KIF2B: variants seen among roughly 807,000 people sequenced by gnomAD.
KIF2B encodes the protein kinesin family member 2B, also known as kinesin-like protein KIF2B.
KIF2B carries 5 observed loss-of-function variants against 6.8 expected under a neutral mutation model. That is an observed-to-expected ratio of 0.74 (90% CI 0.39 to 1.55). The LOEUF is 1.55. KIF2B is among the 40% of genes most tolerant of loss of function. The pLI is 0.03. For missense variants in KIF2B, 908 were observed against 831.3 expected, an observed-to-expected ratio of 1.09 and a Z score of -1.13; for synonymous variants, 370 against 330.7, an observed-to-expected ratio of 1.12 and a Z score of -1.29.
In KIF2B at chr17:53,824,397, C is replaced by A. The variant is rs1406989406; in HGVS notation, c.1364C>A (p.Ala455Glu). 6.2e-7 allele frequency: 1 copy of A among 1,614,098 alleles called. No homozygotes were observed. The highest frequency in any genetic ancestry group is 8.5e-7 in the Non-Finnish European group (1 of 1,180,028). The change falls in exon 1 of 1, where the codon GCA (alanine) becomes GAA (glutamate). Residue 455 changes from alanine (A) to glutamate (E), a missense_variant. By Grantham distance (107) the Ala-to-Glu change is moderately radical (BLOSUM62 -1). Coordinates refer to ENST00000268919, the MANE Select transcript of KIF2B (RefSeq NM_032559.5). The part of the protein sequence containing the change: ...LVDLAGNERG[A>E]DTTKASRKRQ... ...GATTTAGCTGGGAATGAAAGAGGAGCAGATACAACCAAGGCCAGCCGGAAA... is the reference window on the plus strand; with the variant it reads ...GATTTAGCTGGGAATGAAAGAGGAGAAGATACAACCAAGGCCAGCCGGAAA...
Position 53,825,159 on chromosome 17 carries a change from T to G in KIF2B, c.*104T>G. On this transcript the variant is annotated 3_prime_UTR_variant, in exon 1 of 1. Transcript: ENST00000268919. ...TTATCTAAAGATCCTCCTGAGAAGC[T>G]TAAAACATCTTAAAATACACTGATG... The G allele has an allele frequency of 1.4e-6, 1 of 719,614 alleles. No individual in the cohort carries two copies. Among genetic ancestry groups the G allele is most frequent in the Non-Finnish European group, 2.3e-6 (1 of 430,890 alleles). The allele number at this position is 719,614 out of a possible 1,614,324, so 44.6% of individuals were successfully genotyped here. A position where few individuals can be genotyped will look rare whatever the true frequency, so the allele number is the denominator to read the frequency against.
chr17:53,823,512 G>A lies in KIF2B; in HGVS notation c.479G>A (p.Arg160Gln), dbSNP rs769527521. Residue 160 changes from arginine to glutamine, a missense_variant, in exon 1 of 1, where the codon CGG becomes CAG. Arg to Gln is a conservative substitution (Grantham distance 43). Coordinates refer to ENST00000268919, the MANE Select transcript of KIF2B (RefSeq NM_032559.5). The part of the protein sequence containing the change: ...LWEIQKLQEQ[R>Q]EKRRRLQQEI... ...GAAATCCAGAAACTGCAGGAGCAGC[G>A]GGAAAAGCGCAGGCGGCTGCAGCAG... 3.1e-6 allele frequency: 5 copies of A among 1,613,892 alleles called. No homozygotes were observed. Among genetic ancestry groups the A allele is most frequent in the Middle Eastern group, 1.6e-4 (1 of 6,084 alleles).
chr17:53,824,307 G>A lies in KIF2B; in HGVS notation c.1274G>A (p.Ser425Asn), dbSNP rs1264796794. 1 of 1,614,128 alleles carries A rather than the reference G, an allele frequency of 6.2e-7. No individual in the cohort carries two copies. Reference sequence around the variant, plus strand: ...CCTGTCAACGCTCACTCATCCAGGAGCCATGCAGTGTTCCAGATCATCCTG... The same window carrying A: ...CCTGTCAACGCTCACTCATCCAGGAACCATGCAGTGTTCCAGATCATCCTG... ...QTPVNAHSSRSHAVFQIILKS... is the reference protein window; with the variant it reads ...QTPVNAHSSRNHAVFQIILKS... The change falls in exon 1 of 1, where the codon AGC becomes AAC. Residue 425 changes from serine to asparagine, a missense_variant. Coordinates refer to ENST00000268919, the MANE Select transcript of KIF2B (RefSeq NM_032559.5).
Position 53,823,006 on chromosome 17 carries a change from G to A in KIF2B, c.-28G>A, listed in dbSNP as rs1051765062. On this transcript the variant is annotated 5_prime_UTR_variant, in exon 1 of 1. Coordinates refer to ENST00000268919, the MANE Select transcript of KIF2B (RefSeq NM_032559.5). ...CTGCTCCAACCCCAAGGGCCCTGGAGCGCTCCCTGATACCTCCATCACTCA... is the reference window on the plus strand; with the variant it reads ...CTGCTCCAACCCCAAGGGCCCTGGAACGCTCCCTGATACCTCCATCACTCA... 6.3e-6 allele frequency: 10 copies of A among 1,594,734 alleles called. No individual in the cohort carries two copies. Among genetic ancestry groups the A allele is most frequent in the Non-Finnish European group, 7.7e-6 (9 of 1,167,908 alleles).
In KIF2B at chr17:53,824,989, G is replaced by A. The variant is rs1906528318; in HGVS notation, c.1956G>A (p.Leu652=). 1.2e-6 allele frequency: 2 copies of A among 1,613,628 alleles called. No individual in the cohort carries two copies. Among genetic ancestry groups the A allele is most frequent in the Admixed American group, 1.7e-5 (1 of 59,884 alleles). ...LSILEQKIDA[L]TEIQKKLKLL... is the part of the protein sequence containing the mutation. ...TTTTGGAGCAGAAAATTGATGCTCT[G>A]ACCGAGATCCAAAAGAAACTGAAAT... Residue 652 remains leucine (L), a synonymous_variant, in exon 1 of 1, where the codon CTG becomes CTA. Transcript: ENST00000268919.
Position 53,823,033 on chromosome 17 carries a change from C to T in KIF2B, c.-1C>T, listed in dbSNP as rs200359281. 6.2e-7 allele frequency: 1 copy of T among 1,612,332 alleles called. No individual in the cohort carries two copies. Among genetic ancestry groups the T allele is most frequent in the Non-Finnish European group, 8.5e-7 (1 of 1,178,860 alleles). On this transcript the variant is annotated 5_prime_UTR_variant, in exon 1 of 1. Coordinates refer to ENST00000268919, the MANE Select transcript of KIF2B (RefSeq NM_032559.5). The stretch of plus-strand genomic sequence containing the variant: ...GCTCCCTGATACCTCCATCACTCAC[C>T]ATGGCCAGCCAGTTCTGCCTCCCTG...
chr17:53,824,809 G>C lies in KIF2B; in HGVS notation c.1776G>C (p.Gln592His), dbSNP rs1378463294. 1.2e-6 allele frequency: 2 copies of C among 1,613,982 alleles called. No homozygotes were observed. Among genetic ancestry groups the C allele is most frequent in the Non-Finnish European group, 1.7e-6 (2 of 1,179,944 alleles). ...IKIPYVQSEEQKEIEEVETLP... is the reference protein window; with the variant it reads ...IKIPYVQSEEHKEIEEVETLP... Reference sequence around the variant, plus strand: ...TACCTTATGTACAGAGTGAGGAGCAGAAAGAGATTGAAGAGGTTGAAACAT... The same window carrying C: ...TACCTTATGTACAGAGTGAGGAGCACAAAGAGATTGAAGAGGTTGAAACAT... Residue 592 changes from glutamine (Q) to histidine (H), a missense_variant, in exon 1 of 1, where the codon CAG becomes CAC. Transcript: ENST00000268919.
rs2143786858 is a variant in KIF2B at position 53,824,756 on chromosome 17, T to C, written c.1723T>C (p.Ser575Pro). ...LKSHIGNSEMSLQRDEFIKIP... is the reference protein window; with the variant it reads ...LKSHIGNSEMPLQRDEFIKIP... ...AAGTCACATCGGAAATTCAGAAATGTCCCTTCAGAGGGATGAATTTATTAA... is the reference window on the plus strand; with the variant it reads ...AAGTCACATCGGAAATTCAGAAATGCCCCTTCAGAGGGATGAATTTATTAA... The change falls in exon 1 of 1, where the codon TCC becomes CCC. Residue 575 changes from serine (S) to proline (P), a missense_variant. Physicochemically the swap from Ser to Pro is moderately conservative, Grantham distance 74. Coordinates refer to ENST00000268919, the MANE Select transcript of KIF2B (RefSeq NM_032559.5). The C allele has an allele frequency of 6.2e-7, 1 of 1,614,112 alleles. No individual in the cohort carries two copies. Among genetic ancestry groups the C allele is most frequent in the Non-Finnish European group, 8.5e-7 (1 of 1,180,016 alleles).
At position 53,823,470 on chromosome 17, in the gene KIF2B, A is replaced by T. The variant is rs762624867; in HGVS notation, c.437A>T (p.Lys146Met). Residue 146 changes from lysine to methionine, a missense_variant, in exon 1 of 1, where the codon AAG (lysine) becomes ATG (methionine). Transcript: ENST00000268919. ...AAACCTTGTCTGATGAAGCAGAAAAAGTCTCCCTGCCTCTGGGAAATCCAG... is the reference window on the plus strand; with the variant it reads ...AAACCTTGTCTGATGAAGCAGAAAATGTCTCCCTGCCTCTGGGAAATCCAG... ...PSKPCLMKQK[K>M]SPCLWEIQKL... 6.2e-7 allele frequency: 1 copy of T among 1,614,170 alleles called. No homozygotes were observed. The highest frequency in any genetic ancestry group is 8.5e-7 in the Non-Finnish European group (1 of 1,180,036).
In KIF2B at chr17:53,823,860, A is replaced by G. The variant is rs2143782180; in HGVS notation, c.827A>G (p.Asn276Ser). The change falls in exon 1 of 1, where the codon AAC (asparagine) becomes AGC (serine). Residue 276 changes from asparagine (N) to serine (S), a missense_variant. Transcript: ENST00000268919. ...CATGCCTTCGATGACAAAGCCTCCA[A>G]CGAGTTGGTGTACCAGTTCACCGCC... Reference protein sequence around the residue: ...FDHAFDDKASNELVYQFTAQP... With the variant: ...FDHAFDDKASSELVYQFTAQP... The G allele has an allele frequency of 6.2e-7, 1 of 1,614,198 alleles. No homozygotes were observed. Among genetic ancestry groups the G allele is most frequent in the Non-Finnish European group, 8.5e-7 (1 of 1,180,032 alleles).
rs1425738448 is a variant in KIF2B at position 53,825,184 on chromosome 17, G to A, written c.*129G>A. The A allele has an allele frequency of 4.6e-6, 3 of 647,724 alleles. No homozygotes were observed. The highest frequency in any genetic ancestry group is 8.0e-6 in the Non-Finnish European group (3 of 374,898). 40.1% of individuals were successfully genotyped at this position (647,724 alleles called of 1,614,324 possible). On this transcript the variant is annotated 3_prime_UTR_variant, in exon 1 of 1. Coordinates refer to ENST00000268919, the MANE Select transcript of KIF2B (RefSeq NM_032559.5). ...TTAAAACATCTTAAAATACACTGAT[G>A]GGAAACATGCTCTTTCTTCTGCCTC...
rs757684038 is a variant in KIF2B, at chr17:53,823,540, G to T, written c.507G>T (p.Glu169Asp). Reference sequence around the variant, plus strand: ...AAAAGCGCAGGCGGCTGCAGCAGGAGATCCGAGCTAGACGCGCCCTCGATG... The same window carrying T: ...AAAAGCGCAGGCGGCTGCAGCAGGATATCCGAGCTAGACGCGCCCTCGATG... ...QREKRRRLQQEIRARRALDVN... is the reference protein window; with the variant it reads ...QREKRRRLQQDIRARRALDVN... The change falls in exon 1 of 1, where the codon GAG (glutamate) becomes GAT (aspartate). Residue 169 changes from glutamate to aspartate, a missense_variant. Physicochemically the swap from Glu to Asp is conservative, Grantham distance 45. Transcript: ENST00000268919. The T allele has an allele frequency of 3.7e-6, 6 of 1,613,704 alleles. No individual in the cohort carries two copies. In the Admixed American group the frequency reaches 5.0e-5, roughly 13 times the overall value.
rs944869719 is a variant in KIF2B at position 53,823,118 on chromosome 17, G to A, written c.85G>A (p.Gly29Ser). The A allele has an allele frequency of 1.2e-6, 2 of 1,614,022 alleles. No homozygotes were observed. Among genetic ancestry groups the A allele is most frequent in the Admixed American group, 1.7e-5 (1 of 60,002 alleles). ...LKPHFGDIQE[G>S]IYVAIQRSDK... is the part of the protein sequence containing the mutation. Reference sequence around the variant, plus strand: ...GCCACATTTCGGAGACATCCAAGAGGGCATCTACGTGGCGATCCAGCGCAG... The same window carrying A: ...GCCACATTTCGGAGACATCCAAGAGAGCATCTACGTGGCGATCCAGCGCAG... Residue 29 changes from glycine (G) to serine (S), a missense_variant, in exon 1 of 1, where the codon GGC (glycine) becomes AGC (serine). Gly to Ser is a moderately conservative substitution (Grantham distance 56, BLOSUM62 0). Coordinates refer to ENST00000268919, the MANE Select transcript of KIF2B (RefSeq NM_032559.5).
rs73989593 is a variant in KIF2B, at chr17:53,824,192, G to A, written c.1159G>A (p.Val387Ile). Residue 387 changes from valine (V) to isoleucine (I), a missense_variant, in exon 1 of 1, where the codon GTC (valine) becomes ATC (isoleucine). Transcript: ENST00000268919. Reference protein sequence around the residue: ...LEDGNQQIQVVGLQEKEVCCV... With the variant: ...LEDGNQQIQVIGLQEKEVCCV... ...GGATGGCAATCAGCAAATCCAAGTG[G>A]TCGGGCTGCAGGAGAAAGAGGTGTG... 11,868 of 1,614,128 alleles carry A rather than the reference G, an allele frequency of 7.4e-3. 718 individuals are homozygous for A. In the African/African-American group the frequency reaches 0.13, roughly 18 times the overall value.
rs1162327886 is a variant in KIF2B, at chr17:53,823,642, C to G, written c.609C>G (p.Ile203Met). The change falls in exon 1 of 1, where the codon ATC (isoleucine) becomes ATG (methionine). Residue 203 changes from isoleucine (I) to methionine (M), a missense_variant. Physicochemically the swap from Ile to Met is conservative, Grantham distance 10 (BLOSUM62 1). Transcript: ENST00000268919. ...EYRRHLDSSK[I>M]SVLEPPQEHR... ...GCAGGCACCTGGACAGCAGCAAGATCTCAGTCCTGGAGCCCCCGCAAGAAC... is the reference window on the plus strand; with the variant it reads ...GCAGGCACCTGGACAGCAGCAAGATGTCAGTCCTGGAGCCCCCGCAAGAAC... 6.8e-6 allele frequency: 11 copies of G among 1,613,872 alleles called. No homozygotes were observed. Among genetic ancestry groups the G allele is most frequent in the Non-Finnish European group, 9.3e-6 (11 of 1,180,040 alleles).
Position 53,824,113 on chromosome 17 carries a change from TGG to T in KIF2B, c.1084_1085del (p.Gly362GlnfsTer4). On this transcript the variant is annotated frameshift_variant, in exon 1 of 1. Coordinates refer to ENST00000268919, the MANE Select transcript of KIF2B (RefSeq NM_032559.5). LOFTEE classifies it low-confidence loss of function (END_TRUNC). ...KVYGTFFEIY[G>X]GKVYDLLNWK... is the part of the protein sequence containing the mutation. ...TCTATGGGACATTTTTTGAGATTTA[TGG>T]GGGCAAGGTGTATGATTTGTTGAAC... 1 of 1,614,196 alleles carries T rather than the reference TGG, an allele frequency of 6.2e-7. No individual in the cohort carries two copies. Among genetic ancestry groups the T allele is most frequent in the South Asian group, 1.1e-5 (1 of 91,086 alleles).
chr17:53,824,952 G>A lies in KIF2B; in HGVS notation c.1919G>A (p.Arg640Gln), dbSNP rs937705504. Residue 640 changes from arginine to glutamine, a missense_variant, in exon 1 of 1, where the codon CGG becomes CAG. Arg to Gln is a conservative substitution (Grantham distance 43). Transcript: ENST00000268919. ...VHHDIDFCIARSLSILEQKID... is the reference protein window; with the variant it reads ...VHHDIDFCIAQSLSILEQKID... ...CATGATATTGATTTTTGCATTGCCC[G>A]GTCTTTGTCCATTTTGGAGCAGAAA... 2.5e-6 allele frequency: 4 copies of A among 1,614,016 alleles called. No homozygotes were observed. The highest frequency in any genetic ancestry group is 1.1e-5 in the South Asian group (1 of 91,070).
rs753713308 is a variant in KIF2B, at chr17:53,824,960, T to C, written c.1927T>C (p.Ser643Pro). The change falls in exon 1 of 1, where the codon TCC becomes CCC. Residue 643 changes from serine (S) to proline (P), a missense_variant. Coordinates refer to ENST00000268919, the MANE Select transcript of KIF2B (RefSeq NM_032559.5). Reference protein sequence around the residue: ...DIDFCIARSLSILEQKIDALT... With the variant: ...DIDFCIARSLPILEQKIDALT... The stretch of plus-strand genomic sequence containing the variant: ...TGATTTTTGCATTGCCCGGTCTTTG[T>C]CCATTTTGGAGCAGAAAATTGATGC... 1.2e-6 allele frequency: 2 copies of C among 1,614,116 alleles called. No individual in the cohort carries two copies. The highest frequency in any genetic ancestry group is 1.7e-6 in the Non-Finnish European group (2 of 1,180,024).
chr17:53,823,729 C>A lies in KIF2B; in HGVS notation c.696C>A (p.Asp232Glu), dbSNP rs559621632. The change falls in exon 1 of 1, where the codon GAC (aspartate) becomes GAA (glutamate). Residue 232 changes from aspartate (D) to glutamate (E), a missense_variant. Physicochemically the swap from Asp to Glu is conservative, Grantham distance 45 (BLOSUM62 2). Transcript: ENST00000268919. ...ACCAGCGAGAGACAACCTTAAAGGACCTGGATATCATCACCGTCCCCTCGG... is the reference window on the plus strand; with the variant it reads ...ACCAGCGAGAGACAACCTTAAAGGAACTGGATATCATCACCGTCCCCTCGG... ...PLNQRETTLK[D>E]LDIITVPSDN... 6.2e-7 allele frequency: 1 copy of A among 1,614,218 alleles called. No individual in the cohort carries two copies. Among genetic ancestry groups the A allele is most frequent in the South Asian group, 1.1e-5 (1 of 91,084 alleles).
Sources: allele counts gnomAD v4.1 joint callset, GRCh38; gene constraint gnomAD v4.1.1; transcripts MANE v1.5; gene names NCBI Gene and HGNC (gene_info 2026-07-23, HGNC 2026-07-21).